SLC22A25: variants seen among roughly 807,000 people sequenced by gnomAD.
The protein encoded by SLC22A25 is solute carrier family 22 member 25.
In SLC22A25, 44 loss-of-function variants were observed where a neutral mutation model predicts 45.9. The ratio of observed to expected loss-of-function variants is 0.96; its 90% CI spans 0.75 to 1.23. The LOEUF is 1.23. Ranked by LOEUF, SLC22A25 falls within the 50% of genes most tolerant of loss-of-function variation. The pLI is 0.00. For synonymous variants in SLC22A25, 283 were observed against 238.6 expected, an observed-to-expected ratio of 1.19 and a Z score of -1.72; for missense variants, 800 against 666.4, an observed-to-expected ratio of 1.20 and a Z score of -2.21.
chr11:63,219,399 A>G (rs939209317), intron 5 of SLC22A25, among the ~76,000 whole-genome samples: 7 of 152,168 alleles, frequency 4.6e-5, no homozygotes, highest in African/African-American at 1.7e-4. Context: ...ACATAAGTGA[A>G]GTGGTATCGT....
At chr11:63,167,300 A>T (rs1424984510) in intron 9 of SLC22A25, 1 of 152,998 alleles carries the variant, frequency 6.5e-6, no homozygotes, top group Non-Finnish European at 1.5e-5. Flanking sequence ...TGGGACCTGG[A>T]ACCTCAGTGA....
chr11:63,229,178 A>G (rs775431054), intron 4 of SLC22A25, 73 bp downstream of exon 4: 44 of 1,424,558 alleles, frequency 3.1e-5, no homozygotes, highest in Non-Finnish European at 1.9e-6. Context: ...TAAAGGCTGG[A>G]AGCACAATCA....
intron 9 of SLC22A25, among the ~76,000 whole-genome samples, chr11:63,174,962 T>A (rs754201328): frequency 3.3e-5 from 5 of 152,292 alleles, no homozygotes; most frequent in Non-Finnish European, 5.9e-5. Flanking sequence ...ATATGACATT[T>A]TTCTTTCCAT....
At chr11:63,169,040 C>T (rs1338899666) in intron 9 of SLC22A25, among the ~76,000 whole-genome samples, 1 of 152,274 alleles carries the variant, frequency 6.6e-6, no homozygotes, top group Middle Eastern at 3.4e-3. Context: ...AAAGAATTTT[C>T]AACCCAGAAT....
chr11:63,166,181 G>T lies in SLC22A25; in HGVS notation c.1148C>A (p.Thr383Asn). 6.2e-7 allele frequency: 1 copy of T among 1,614,018 alleles called. No homozygotes were observed. The highest frequency in any genetic ancestry group is 8.5e-7 in the Non-Finnish European group (1 of 1,179,940). The change falls in exon 10 of 12, where the codon ACT (threonine) becomes AAT (asparagine). Residue 383 changes from threonine to asparagine, a missense_variant. Coordinates refer to ENST00000306494, the MANE Select transcript of SLC22A25 (RefSeq NM_199352.6). ...HLGNNVFLLQ[T>N]LFGAVTLLAN... is the part of the protein sequence containing the mutation. ...CAGGAGGGTGACTGCACCAAAGAGA[G>T]TCTGCAACAGGAAAACATTGTTTCC... is the stretch of plus-strand genomic sequence containing the variant.
chr11:63,242,125 C>A (rs2090258613), intron 1 of SLC22A25, among the ~76,000 whole-genome samples: 1 of 152,164 alleles, frequency 6.6e-6, no homozygotes, highest in African/African-American at 2.4e-5. Flanking sequence ...TGGGCAGAAA[C>A]ACTGCTAGTT....
intron 7 of SLC22A25, among the ~76,000 whole-genome samples, chr11:63,198,085 A>G (rs2089115414): frequency 6.6e-6 from 1 of 152,200 alleles, no homozygotes; most frequent in Non-Finnish European, 1.5e-5. Flanking sequence ...CAGGTGCTGG[A>G]GAGAATGTGG....
chr11:63,207,395 T>C (rs2089436048), intron 7 of SLC22A25, among the ~76,000 whole-genome samples: 1 of 152,138 alleles, frequency 6.6e-6, no homozygotes, highest in Non-Finnish European at 1.5e-5. Context: ...ATATCCAGAA[T>C]CTACAAGGAA....
chr11:63,208,070 G>C (rs1163364482), intron 7 of SLC22A25: 1 of 152,218 alleles, frequency 6.6e-6, no homozygotes, highest in Admixed American at 6.5e-5. Context: ...CAACATTTCT[G>C]GGGACTCATC....
intron 7 of SLC22A25, among the ~76,000 whole-genome samples, chr11:63,192,803 T>G (rs1035725128): frequency 6.6e-6 from 1 of 152,234 alleles, no homozygotes; most frequent in Non-Finnish European, 1.5e-5. Context: ...TAAATATGTA[T>G]GCATCCAATG....
chr11:63,223,898 T>C (rs1204396392), intron 5 of SLC22A25, among the ~76,000 whole-genome samples: 1 of 152,088 alleles, frequency 6.6e-6, no homozygotes, highest in African/African-American at 2.4e-5. Context: ...GCATACTCTT[T>C]AATTTTTATG....
chr11:63,180,900 G>A (rs1024140418), intron 8 of SLC22A25, 125 bp from the exon 9 acceptor site: 5 of 623,460 alleles, frequency 8.0e-6, no homozygotes, highest in Non-Finnish European at 1.1e-5. Context: ...GAAAATACAT[G>A]GCTTAAAAAT....
At chr11:63,239,673 C>A (rs2090216891) in intron 1 of SLC22A25, among the ~76,000 whole-genome samples, 2 of 152,174 alleles carry the variant, frequency 1.3e-5, no homozygotes, top group Admixed American at 6.5e-5. Context: ...CAGCTCTCTG[C>A]TTCAGGTGAA....
chr11:63,187,061 G>GT (rs895115740), intron 7 of SLC22A25, among the ~76,000 whole-genome samples: 2 of 152,062 alleles, frequency 1.3e-5, no homozygotes, highest in Non-Finnish European at 2.9e-5. Context: ...CTTTAAAGTA[G>GT]TTTTTTCCAA....
intron 5 of SLC22A25, among the ~76,000 whole-genome samples, chr11:63,220,315 C>T (rs1229836639): frequency 6.6e-6 from 1 of 152,186 alleles, no homozygotes; most frequent in African/African-American, 2.4e-5. Flanking sequence ...CATCAGCACA[C>T]AATGTCCAGG....
chr11:63,186,867 T>G (rs2088573301), intron 7 of SLC22A25, among the ~76,000 whole-genome samples: 2 of 152,132 alleles, frequency 1.3e-5, no homozygotes, highest in African/African-American at 2.4e-5. Flanking sequence ...ATATGTGGCA[T>G]TATTTCTGAG....
At chr11:63,236,472 G>A (rs186203247) in intron 3 of SLC22A25, among the ~76,000 whole-genome samples, 55 of 152,298 alleles carry the variant, frequency 3.6e-4, no homozygotes, top group African/African-American at 7.5e-4. Flanking sequence ...CTGGTGTGCC[G>A]TTTGTGAAGC....
chr11:63,164,533 T>A lies in SLC22A25; in HGVS notation c.1387A>T (p.Ile463Leu). The A allele has an allele frequency of 6.2e-7, 1 of 1,613,414 alleles. No individual in the cohort carries two copies. The highest frequency in any genetic ancestry group is 8.5e-7 in the Non-Finnish European group (1 of 1,179,486). ...TAQENELIPS[I>L]IRGRATGITG... ...ACACATAAACTTTTGTACCTGATTA[T>A]GGAAGGAATTAGTTCATTTTCTTGG... is the stretch of plus-strand genomic sequence containing the variant. Residue 463 changes from isoleucine to leucine, a missense_variant, in exon 11 of 12, where the codon ATA (isoleucine) becomes TTA (leucine). Coordinates refer to ENST00000306494, the MANE Select transcript of SLC22A25 (RefSeq NM_199352.6).
chr11:63,194,882 ATGGAAAGC>A (rs1385024107), intron 7 of SLC22A25, among the ~76,000 whole-genome samples: 3 of 114,352 alleles, frequency 2.6e-5, no homozygotes, highest in Non-Finnish European at 5.3e-5. Flanking sequence ...TACCAAGCAA[ATGGAAAGC>A]AAAAAAAAAA....
Sources: allele counts gnomAD v4.1 joint callset (sites outside exome capture counted in the v4.1 genomes callset), GRCh38; gene constraint gnomAD v4.1.1; transcripts MANE v1.5; gene names NCBI Gene and HGNC (gene_info 2026-07-23, HGNC 2026-07-21).